PLCB1: variants seen among roughly 807,000 people sequenced by gnomAD.
The protein encoded by PLCB1 is phospholipase C beta 1, also known as 1-phosphatidylinositol 4,5-bisphosphate phosphodiesterase beta-1.
A neutral mutation model predicts 161.8 loss-of-function variants in PLCB1; 46 were observed. That is an observed-to-expected ratio of 0.28 (90% CI 0.22 to 0.36). The LOEUF is 0.36. PLCB1 is among the 10% of genes least tolerant of loss of function. The pLI is 1.00. For synonymous variants in PLCB1, 517 were observed against 503.7 expected, an observed-to-expected ratio of 1.03 and a Z score of -0.35; for missense variants, 1,016 against 1,472.5, an observed-to-expected ratio of 0.69 and a Z score of 5.07.
chr20:8,566,962 G>C (rs1986356671), intron 3 of PLCB1, among the ~76,000 whole-genome samples: 1 of 152,062 alleles, frequency 6.6e-6, no homozygotes, highest in African/African-American at 2.4e-5. Context: ...GTATGCAATA[G>C]CAAATTAATC....
chr20:8,684,168 G>A (rs911923067), intron 9 of PLCB1, among the ~76,000 whole-genome samples: 4 of 151,288 alleles, frequency 2.6e-5, no homozygotes, highest in South Asian at 4.2e-4. Flanking sequence ...ACAGGCGTGA[G>A]CCACCGCGCC....
chr20:8,704,842 C>G (rs1978574102), intron 11 of PLCB1, among the ~76,000 whole-genome samples: 1 of 152,106 alleles, frequency 6.6e-6, no homozygotes, highest in Admixed American at 6.6e-5. Context: ...CCTAATGGCA[C>G]AATATCAGTC....
At chr20:8,813,935 A>G (rs1318458027) in intron 31 of PLCB1, among the ~76,000 whole-genome samples, 1 of 152,212 alleles carries the variant, frequency 6.6e-6, no homozygotes, top group African/African-American at 2.4e-5. Context: ...AGCGGAATTC[A>G]TAGGTGAATG....
chr20:8,722,429 C>T lies in PLCB1; in HGVS notation c.1581+8C>T. The T allele has an allele frequency of 1.9e-6, 3 of 1,602,046 alleles. No individual in the cohort carries two copies. The highest frequency in any genetic ancestry group is 2.6e-6 in the Non-Finnish European group (3 of 1,173,364). On this transcript the variant is annotated splice_region_variant and intron_variant, in intron 15 of 31. Transcript: ENST00000338037. The stretch of plus-strand genomic sequence containing the variant: ...AAATCTTCAATGGATGAGGTGGGTA[C>T]TTAGGGCTTCTGGTCCCTAAGGCAT...
intron 2 of PLCB1, among the ~76,000 whole-genome samples, chr20:8,278,304 AT>A (rs1332913110): frequency 1.4e-5 from 2 of 141,512 alleles, no homozygotes; most frequent in Non-Finnish European, 3.1e-5. Context: ...ATATATAAAA[AT>A]ATATATTATA....
At chr20:8,175,958 A>G (rs2051778698) in intron 2 of PLCB1, among the ~76,000 whole-genome samples, 1 of 152,188 alleles carries the variant, frequency 6.6e-6, no homozygotes, top group Admixed American at 6.5e-5. Flanking sequence ...GGGAAATGCA[A>G]ATTAAAACCC....
At chr20:8,360,794 A>G (rs1190279545) in intron 2 of PLCB1, among the ~76,000 whole-genome samples, 2 of 152,220 alleles carry the variant, frequency 1.3e-5, no homozygotes, top group African/African-American at 4.8e-5. Flanking sequence ...AACTTAAAAT[A>G]TCTCATTTTG....
chr20:8,298,410 G>A (rs1343240978), intron 2 of PLCB1, among the ~76,000 whole-genome samples: 3 of 151,850 alleles, frequency 2.0e-5, no homozygotes, highest in Non-Finnish European at 2.9e-5. Context: ...GAGTGCTTGT[G>A]ACTAGCAGAT....
intron 3 of PLCB1, among the ~76,000 whole-genome samples, chr20:8,441,509 A>G (rs1434443267): frequency 6.6e-6 from 1 of 152,204 alleles, no homozygotes; most frequent in Non-Finnish European, 1.5e-5. Context: ...TGTAATTCCA[A>G]TTTATATCAA....
intron 2 of PLCB1, among the ~76,000 whole-genome samples, chr20:8,229,633 A>G (rs1979898916): frequency 1.3e-5 from 2 of 152,178 alleles, no homozygotes; most frequent in African/African-American, 4.8e-5. Context: ...ATCATCGCAG[A>G]AAGTTTTATT....
chr20:8,785,265 C>T (rs1446670308), intron 27 of PLCB1, among the ~76,000 whole-genome samples: 2 of 152,082 alleles, frequency 1.3e-5, no homozygotes, highest in African/African-American at 2.4e-5. Flanking sequence ...CTCTAATGTG[C>T]ACTCAAATCT....
At chr20:8,564,889 G>A (rs1986270593) in intron 3 of PLCB1, among the ~76,000 whole-genome samples, 1 of 152,158 alleles carries the variant, frequency 6.6e-6, no homozygotes, top group South Asian at 2.1e-4. Context: ...ACTGTTGGTG[G>A]GAGTGTAAAT....
chr20:8,474,826 C>T (rs937412879), intron 3 of PLCB1, among the ~76,000 whole-genome samples: 1 of 152,052 alleles, frequency 6.6e-6, no homozygotes, highest in Non-Finnish European at 1.5e-5. Context: ...CTAAGTGTGA[C>T]CACAATTGAT....
chr20:8,460,488 A>G (rs1158254645), intron 3 of PLCB1, among the ~76,000 whole-genome samples: 1 of 152,246 alleles, frequency 6.6e-6, no homozygotes, highest in African/African-American at 2.4e-5. Flanking sequence ...CACAAGGTGA[A>G]TGCATTATCC....
intron 2 of PLCB1, among the ~76,000 whole-genome samples, chr20:8,350,977 C>T (rs1433197942): frequency 3.3e-5 from 5 of 152,012 alleles, no homozygotes; most frequent in Admixed American, 3.3e-4. Flanking sequence ...TCCCAGCAAA[C>T]TTTTTTTATA....
chr20:8,655,261 C>T (rs1211353055), intron 7 of PLCB1, among the ~76,000 whole-genome samples: 2 of 152,136 alleles, frequency 1.3e-5, no homozygotes, highest in African/African-American at 4.8e-5. Flanking sequence ...AAGGAAATAA[C>T]AGCACATGCG....
chr20:8,729,345 C>T (rs1230719806), intron 18 of PLCB1, 171 bp downstream of exon 18: 7 of 436,056 alleles, frequency 1.6e-5, no homozygotes, highest in Admixed American at 1.3e-4. Flanking sequence ...TTTTGAAAAT[C>T]GAGACATGTT....
At chr20:8,376,415 T>G (rs1397052191) in intron 3 of PLCB1, among the ~76,000 whole-genome samples, 1 of 152,226 alleles carries the variant, frequency 6.6e-6, no homozygotes, top group East Asian at 1.9e-4. Context: ...TTTTCTTTCC[T>G]AATCTCTACA....
chr20:8,824,169 A>C (rs1403081599), intron 31 of PLCB1, among the ~76,000 whole-genome samples: 2 of 152,110 alleles, frequency 1.3e-5, no homozygotes, highest in African/African-American at 4.8e-5. Flanking sequence ...ATTAGACTGC[A>C]GATTGTTGGG....
Sources: gnomAD v4.1 joint callset for allele counts (sites outside exome capture counted in the v4.1 genomes callset) on GRCh38, gnomAD v4.1.1 for gene constraint, MANE v1.5 for transcripts, NCBI Gene and HGNC (gene_info 2026-07-23, HGNC 2026-07-21) for gene names.